Variants in SLC8A1 observed in about 807,000 individuals in gnomAD.
SLC8A1 encodes sodium/calcium exchanger 1.
Under a neutral mutation model 68.3 loss-of-function variants are expected in SLC8A1, and 18 were observed. The observed-to-expected ratio is 0.26, with a 90% CI of 0.18 to 0.39. The LOEUF (loss-of-function observed/expected upper bound fraction) is 0.39. Among genes scored for constraint, SLC8A1 ranks in the 10% least tolerant of loss-of-function variants. SLC8A1 has a pLI of 1.00. For missense variants in SLC8A1, 985 were observed against 1,156.7 expected, an observed-to-expected ratio of 0.85 and a Z score of 2.15; for synonymous variants, 475 against 415.5, an observed-to-expected ratio of 1.14 and a Z score of -1.74.
chr2:40,344,141 AAGG>A (rs1230880286), intron 2 of SLC8A1, among the ~76,000 whole-genome samples: 4 of 152,180 alleles, frequency 2.6e-5, no homozygotes. Flanking sequence ...TTAGAGTAAT[AAGG>A]AGGTCAGCTG....
chr2:40,163,809 T>C (rs1231071680), intron 5 of SLC8A1, among the ~76,000 whole-genome samples: 1 of 152,196 alleles, frequency 6.6e-6, no homozygotes, highest in Non-Finnish European at 1.5e-5. Flanking sequence ...CAAAGACATT[T>C]TGTTTTCCAC....
At chr2:40,402,874 A>G (rs1165934719) in intron 2 of SLC8A1, among the ~76,000 whole-genome samples, 1 of 152,230 alleles carries the variant, frequency 6.6e-6, no homozygotes, top group Non-Finnish European at 1.5e-5. Flanking sequence ...TGTCTCTCTC[A>G]GATGAAAGTC....
intron 2 of SLC8A1, among the ~76,000 whole-genome samples, chr2:40,382,044 G>A (rs1467596383): frequency 6.6e-6 from 1 of 152,066 alleles, no homozygotes; most frequent in Non-Finnish European, 1.5e-5. Context: ...TTGTTTCAGT[G>A]ATTGATTTTC....
chr2:40,448,656 T>G (rs1417721532), intron 1 of SLC8A1, among the ~76,000 whole-genome samples: 1 of 152,124 alleles, frequency 6.6e-6, no homozygotes, highest in Non-Finnish European at 1.5e-5. Flanking sequence ...CCAGAGAAAG[T>G]CAGGCAGAAC....
At chr2:40,209,424 A>G (rs1286865400) in intron 2 of SLC8A1, among the ~76,000 whole-genome samples, 1 of 152,128 alleles carries the variant, frequency 6.6e-6, no homozygotes, top group Admixed American at 6.6e-5. Flanking sequence ...GTGAGAGTTA[A>G]GAGTAGAGTG....
intron 7 of SLC8A1, among the ~76,000 whole-genome samples, chr2:40,127,857 C>T (rs1212807220): frequency 1.3e-5 from 2 of 152,086 alleles, no homozygotes; most frequent in African/African-American, 2.4e-5. Context: ...TCCTTGAGTA[C>T]AAAATACAGG....
chr2:40,361,783 T>G (rs912922272), intron 2 of SLC8A1, among the ~76,000 whole-genome samples: 43 of 150,036 alleles, frequency 2.9e-4, no homozygotes, highest in African/African-American at 1.0e-3. Context: ...AATTCTAATA[T>G]AAATGAGAAA....
At chr2:40,361,998 G>A (rs1384565548) in intron 2 of SLC8A1, among the ~76,000 whole-genome samples, 1 of 134,490 alleles carries the variant, frequency 7.4e-6, no homozygotes. Flanking sequence ...GGGTTCAAGT[G>A]ATTCTCCTGA....
At chr2:40,337,300 G>T (rs781376850) in intron 2 of SLC8A1, 1 of 351,360 alleles carries the variant, frequency 2.8e-6, no homozygotes, top group South Asian at 2.1e-5. Flanking sequence ...GTATGTTTAT[G>T]CATCATCATA....
chr2:40,237,140 G>C (rs1161487496), intron 2 of SLC8A1, among the ~76,000 whole-genome samples: 1 of 151,866 alleles, frequency 6.6e-6, no homozygotes. Context: ...TCCTGAATCT[G>C]AACGTTGGCC....
At chr2:40,351,577 G>A (rs1671100640) in intron 2 of SLC8A1, among the ~76,000 whole-genome samples, 1 of 131,246 alleles carries the variant, frequency 7.6e-6, no homozygotes, top group African/African-American at 3.1e-5. Flanking sequence ...CATACTGAAT[G>A]TTGCATCCAA....
At chr2:40,258,907 T>C (rs958363888) in intron 2 of SLC8A1, among the ~76,000 whole-genome samples, 1 of 151,034 alleles carries the variant, frequency 6.6e-6, no homozygotes, top group African/African-American at 2.4e-5. Context: ...CCCCCAATGG[T>C]TGTAATTGAA....
intron 2 of SLC8A1, among the ~76,000 whole-genome samples, chr2:40,382,032 C>G (rs1302397954): frequency 6.6e-6 from 1 of 152,098 alleles, no homozygotes; most frequent in African/African-American, 2.4e-5. Context: ...TGACAATAAT[C>G]ATTGTTTCAG....
chr2:40,215,210 G>A (rs11675182), intron 2 of SLC8A1, among the ~76,000 whole-genome samples: 142 of 152,136 alleles, frequency 9.3e-4, no homozygotes, highest in Middle Eastern at 3.4e-3. Context: ...CTCTGTCTCA[G>A]GCTGGGGTGA....
intron 2 of SLC8A1, among the ~76,000 whole-genome samples, chr2:40,278,467 C>CAAACAAAACAAAACA (rs149146644): frequency 1.1e-4 from 17 of 150,642 alleles, no homozygotes; most frequent in African/African-American, 3.9e-4. Flanking sequence ...GACTCTGTCT[C>CAAACAAAACAAAACA]AAACAAAACA....
chr2:40,343,548 T>C (rs902548822), intron 2 of SLC8A1, among the ~76,000 whole-genome samples: 1 of 152,230 alleles, frequency 6.6e-6, no homozygotes, highest in Non-Finnish European at 1.5e-5. Context: ...GTGACAGTGC[T>C]GGAGCTCATA....
chr2:40,232,049 C>A (rs1293476599), intron 2 of SLC8A1, among the ~76,000 whole-genome samples: 13 of 151,864 alleles, frequency 8.6e-5, no homozygotes, highest in Non-Finnish European at 4.4e-5. Flanking sequence ...TGAAGCAGGC[C>A]AGGAAGATTT....
intron 2 of SLC8A1, among the ~76,000 whole-genome samples, chr2:40,194,113 C>T (rs866107586): frequency 2.0e-5 from 3 of 152,060 alleles, no homozygotes; most frequent in Non-Finnish European, 4.4e-5. Flanking sequence ...TAAAACTGAC[C>T]TGATTTTCAT....
At chr2:40,413,870 G>A (rs186916583) in intron 2 of SLC8A1, among the ~76,000 whole-genome samples, 3 of 152,192 alleles carry the variant, frequency 2.0e-5, no homozygotes, top group Admixed American at 2.0e-4. Context: ...TAAACTATAG[G>A]TTGACCCATT....
Sources: allele counts gnomAD v4.1 joint callset (sites outside exome capture counted in the v4.1 genomes callset), GRCh38; gene constraint gnomAD v4.1.1; transcripts MANE v1.5; gene names NCBI Gene and HGNC (gene_info 2026-07-23, HGNC 2026-07-21).